TOPBP1: variants seen among roughly 807,000 people sequenced by gnomAD.
The protein encoded by TOPBP1 is DNA topoisomerase II binding protein 1, also known as DNA topoisomerase 2-binding protein 1.
A neutral mutation model predicts 167.7 loss-of-function variants in TOPBP1; 28 were observed. The observed-to-expected ratio is 0.17, with a 90% confidence interval of 0.12 to 0.23. The LOEUF (loss-of-function observed/expected upper bound fraction) is 0.23, where lower values mean the gene tolerates loss of function less well. Among genes scored for constraint, TOPBP1 ranks in the 10% least tolerant of loss-of-function variants. The pLI is 1.00. For synonymous variants in TOPBP1, 598 were observed against 611.4 expected (o/e 0.98, Z 0.32); for missense variants, 1,554 against 1,809.6 (o/e 0.86, Z 2.56).
rs775354255 is a variant in TOPBP1, at chr3:133,643,317, G to A, written c.1904C>T (p.Thr635Ile). The part of the protein sequence containing the change: ...LFDPKSNPLF[T>I]PVPVMTGMTP... Reference sequence around the variant, plus strand: ...CATTCCTGTCATTACTGGAACTGGTGTGAAGAGAGGATTCGACTTTGGATC... The same window carrying A: ...CATTCCTGTCATTACTGGAACTGGTATGAAGAGAGGATTCGACTTTGGATC... Residue 635 changes from threonine to isoleucine, a missense_variant, in exon 12 of 28, where the codon ACA (threonine) becomes ATA (isoleucine). Physicochemically the swap from Thr to Ile is moderately conservative, Grantham distance 89 (BLOSUM62 -1). Around this residue, in one of 3 missense-constraint regions of TOPBP1, gnomAD observed 1,197 missense variants for 1,351.5 expected, o/e 0.89. Coordinates refer to ENST00000260810, the MANE Select transcript of TOPBP1 (RefSeq NM_007027.4). 3 of 1,611,172 alleles carry A rather than the reference G, an allele frequency of 1.9e-6. No homozygotes were observed. Among genetic ancestry groups the A allele is most frequent in the Admixed American group, 3.4e-5 (2 of 59,412 alleles).
rs746939282 is a variant in TOPBP1, at chr3:133,617,142, T to C, written c.3759+18A>G. 1.4e-5 allele frequency: 22 copies of C among 1,594,428 alleles called. No individual in the cohort carries two copies. Among genetic ancestry groups the C allele is most frequent in the Middle Eastern group, 1.7e-4 (1 of 5,942 alleles). On this transcript the variant is annotated intron_variant, in intron 22 of 27. Coordinates refer to ENST00000260810, the MANE Select transcript of TOPBP1 (RefSeq NM_007027.4). ...GCAGTATGCAAAAGCTGTATCACCA[T>C]ATTAAGGATCAACAAACCTTTTCTC...
chr3:133,623,819 A>C (rs964248342), intron 17 of TOPBP1, among the ~76,000 whole-genome samples: 6 of 152,238 alleles, frequency 3.9e-5, no homozygotes, highest in African/African-American at 1.4e-4. Context: ...ATTTTTAATT[A>C]GTACAAGGAA....
Position 133,604,263 on chromosome 3 carries a change from T to C in TOPBP1, c.4426-2870A>G, listed in dbSNP as rs371059131. Among the ~76,000 whole-genome samples, 35 of 151,678 alleles carry C rather than the reference T, an allele frequency of 2.3e-4. No homozygotes were observed. In the East Asian group the frequency reaches 6.0e-3, roughly 26 times the overall value. On this transcript the variant is annotated intron_variant, in intron 27 of 27. Coordinates refer to ENST00000260810, the MANE Select transcript of TOPBP1 (RefSeq NM_007027.4). ...GATTCTCCTGCCTCAGCCTCCCGAG[T>C]GGCTGGGACTACAGGCACACGCCAC...
chr3:133,622,130 A>C (rs1189550775), intron 19 of TOPBP1, among the ~76,000 whole-genome samples: 2 of 151,896 alleles, frequency 1.3e-5, no homozygotes, highest in East Asian at 3.8e-4. Flanking sequence ...AACACTACCC[A>C]AGGTAACAAA....
intron 19 of TOPBP1, 142 bp from the exon 20 acceptor site, chr3:133,620,489 G>C (rs1159268621): frequency 5.0e-6 from 4 of 798,688 alleles, no homozygotes; most frequent in Non-Finnish European, 7.7e-6. Context: ...CTATAGTAAT[G>C]TACTAAAACT....
intron 12 of TOPBP1, among the ~76,000 whole-genome samples, chr3:133,642,156 AT>A (rs200257601): frequency 6.6e-6 from 1 of 150,594 alleles, no homozygotes; most frequent in East Asian, 1.9e-4. Context: ...TGCCTGGCTC[AT>A]TTTTTTTTAT....
rs747026511 is a variant in TOPBP1, at chr3:133,661,057, A to T, written c.71T>A (p.Phe24Tyr). The T allele has an allele frequency of 5.7e-6, 9 of 1,587,476 alleles. No homozygotes were observed. In the Admixed American group the frequency reaches 1.7e-4, roughly 30 times the overall value. Residue 24 changes from phenylalanine (F) to tyrosine (Y), a missense_variant, in exon 2 of 28, where the codon TTT becomes TAT. Phe to Tyr is a conservative substitution (Grantham distance 22). Transcript: ENST00000260810. ...TTCAACTCTTACCTCGAGAGCTTTAAAAAAACATTTGGAATTGTCTGAAGA... is the reference window on the plus strand; with the variant it reads ...TTCAACTCTTACCTCGAGAGCTTTATAAAAACATTTGGAATTGTCTGAAGA... Reference protein sequence around the residue: ...LKSSDNSKCFFKALESIKEFQ... With the variant: ...LKSSDNSKCFYKALESIKEFQ...
Position 133,601,377 on chromosome 3 carries a change from A to C in TOPBP1, c.4442T>G (p.Val1481Gly). The C allele has an allele frequency of 6.5e-7, 1 of 1,545,436 alleles. No individual in the cohort carries two copies. The highest frequency in any genetic ancestry group is 8.7e-7 in the Non-Finnish European group (1 of 1,145,670). Residue 1481 changes from valine to glycine, a missense_variant, in exon 28 of 28, where the codon GTA (valine) becomes GGA (glycine). Physicochemically the swap from Val to Gly is moderately radical, Grantham distance 109. Coordinates refer to ENST00000260810, the MANE Select transcript of TOPBP1 (RefSeq NM_007027.4). ...DYLMQESPPH[V>G]ENYCLPEAIS... is the part of the protein sequence containing the mutation. ...AGCTTCTGGTAGACAGTAATTTTCT[A>C]CATGAGGAGGTGATTCCTATAAAAG...
chr3:133,652,267 G>T (rs1201434408), intron 8 of TOPBP1, among the ~76,000 whole-genome samples, 196 bp downstream of exon 8: 1 of 152,220 alleles, frequency 6.6e-6, no homozygotes, highest in Non-Finnish European at 1.5e-5. Flanking sequence ...AAAGATAACA[G>T]AGGAAGATAC....
At chr3:133,607,536 T>C (rs1329737271) in intron 27 of TOPBP1, among the ~76,000 whole-genome samples, 2 of 152,008 alleles carry the variant, frequency 1.3e-5, no homozygotes, top group African/African-American at 4.8e-5. Flanking sequence ...CCACCAATAA[T>C]GTACAGATTG....
intron 10 of TOPBP1, 146 bp downstream of exon 10, chr3:133,649,237 G>GA: frequency 8.9e-7 from 1 of 1,124,036 alleles, no homozygotes; most frequent in Non-Finnish European, 1.2e-6. Context: ...TGCCTGCTCA[G>GA]AAAAAAAGTT....
intron 3 of TOPBP1, among the ~76,000 whole-genome samples, chr3:133,658,424 G>A (rs997604711): frequency 3.3e-5 from 5 of 151,734 alleles, no homozygotes; most frequent in African/African-American, 1.2e-4. Context: ...CTGAGATCAC[G>A]TCACTGCACT....
chr3:133,605,802 G>A (rs1934472684), intron 27 of TOPBP1, among the ~76,000 whole-genome samples: 1 of 152,126 alleles, frequency 6.6e-6, no homozygotes, highest in African/African-American at 2.4e-5. Context: ...CATAAAGAAG[G>A]GAAAATCTAC....
intron 11 of TOPBP1, 62 bp from the exon 12 acceptor site, chr3:133,643,434 G>T (rs967099621): frequency 2.9e-6 from 4 of 1,397,898 alleles, no homozygotes; most frequent in Non-Finnish European, 3.8e-6. Context: ...GTTAACACTG[G>T]TTCAGGTACA....
chr3:133,643,899 C>T, intron 11 of TOPBP1, 121 bp downstream of exon 11: 1 of 1,063,320 alleles, frequency 9.4e-7, no homozygotes, highest in Non-Finnish European at 1.3e-6. Flanking sequence ...AAAGCAAAAT[C>T]AAGAGTGTTC....
At chr3:133,655,512 G>A (rs1280224599) in intron 5 of TOPBP1, 26 bp from the exon 6 acceptor site, 1 of 1,247,146 alleles carries the variant, frequency 8.0e-7, no homozygotes, top group Non-Finnish European at 1.1e-6. Context: ...GGTTAAAAAA[G>A]AACATATTAA....
At chr3:133,657,642 T>C (rs997952812) in intron 4 of TOPBP1, among the ~76,000 whole-genome samples, 156 bp downstream of exon 4, 2 of 152,216 alleles carry the variant, frequency 1.3e-5, no homozygotes, top group Admixed American at 6.5e-5. Flanking sequence ...AAAATGTACA[T>C]GTATACATAT....
intron 3 of TOPBP1, among the ~76,000 whole-genome samples, chr3:133,658,769 T>A (rs2107838610): frequency 6.6e-6 from 1 of 152,336 alleles, no homozygotes; most frequent in East Asian, 1.9e-4. Flanking sequence ...CTTGTGCCAC[T>A]GCACTAAAGC....
chr3:133,653,758 T>C (rs913445623), intron 6 of TOPBP1, among the ~76,000 whole-genome samples: 6 of 151,788 alleles, frequency 4.0e-5, no homozygotes, highest in African/African-American at 1.5e-4. Context: ...GCCTCCTGAA[T>C]AGCTAGGATT....
Sources: allele counts gnomAD v4.1 joint callset (sites outside exome capture counted in the v4.1 genomes callset), GRCh38; gene constraint gnomAD v4.1.1; regional missense constraint gnomAD v4.1.1; transcripts MANE v1.5; gene names NCBI Gene and HGNC (gene_info 2026-07-23, HGNC 2026-07-21).